The following ASAP1 variants were observed in gnomAD, a reference collection of about 807,000 sequenced individuals.
ASAP1 encodes arf-GAP with SH3 domain, ANK repeat and PH domain-containing protein 1.
In ASAP1, 43 loss-of-function variants were observed where a neutral mutation model predicts 145.2. The ratio of observed to expected loss-of-function variants is 0.30; its 90% CI spans 0.23 to 0.38. The LOEUF is 0.38. ASAP1 is among the 10% of genes least tolerant of loss of function. The pLI is 1.00. For missense variants in ASAP1, 1,018 were observed against 1,355.3 expected (o/e 0.75, Z 3.91); for synonymous variants, 546 against 515.5 (o/e 1.06, Z -0.80).
chr8:130,379,356 G>T (rs891100287), intron 2 of ASAP1, among the ~76,000 whole-genome samples: 1 of 152,282 alleles, frequency 6.6e-6, no homozygotes, highest in East Asian at 1.9e-4. Flanking sequence ...GATCAAGCGT[G>T]TTCAGGGTGG....
At chr8:130,165,264 T>C (rs1175592580) in intron 11 of ASAP1, among the ~76,000 whole-genome samples, 1 of 152,126 alleles carries the variant, frequency 6.6e-6, no homozygotes, top group Non-Finnish European at 1.5e-5. Flanking sequence ...AAAGCTTCCA[T>C]ATGTAGGAAA....
intron 2 of ASAP1, among the ~76,000 whole-genome samples, chr8:130,373,837 A>T (rs1586929792): frequency 1.5e-5 from 2 of 131,340 alleles, no homozygotes; most frequent in Middle Eastern, 3.8e-3. Context: ...ACAGAGTGAG[A>T]TGGAGTCTCC....
intron 3 of ASAP1, chr8:130,340,728 C>G (rs1825322382): frequency 2.9e-6 from 1 of 349,644 alleles, no homozygotes; most frequent in East Asian, 7.4e-5. Flanking sequence ...TTGATCTTCT[C>G]TAAGCATTCA....
chr8:130,377,633 G>A (rs527917687), intron 2 of ASAP1, among the ~76,000 whole-genome samples: 1 of 152,316 alleles, frequency 6.6e-6, no homozygotes, highest in African/African-American at 2.4e-5. Context: ...TTCTCCTGCT[G>A]ACCTGCTCCA....
rs1565151907 is a variant in ASAP1, at chr8:130,265,572, T to TAA, written c.187-28579_187-28578insTT. 7.5e-3 allele frequency among the ~76,000 whole-genome samples: 1,070 copies of TAA among 142,582 alleles called. 15 individuals carry two copies. Among genetic ancestry groups the TAA allele is most frequent in the African/African-American group, 0.027 (1,030 of 38,340 alleles). The allele number at this position is 142,582 out of a possible 152,430, so 93.5% of individuals were successfully genotyped here. On this transcript the variant is annotated intron_variant, in intron 3 of 29. Coordinates refer to ENST00000518721, the MANE Select transcript of ASAP1 (RefSeq NM_018482.4). ...TGGGTAACAGAGTGAAACCCTGTCT[T>TAA]TAAAAAAAAAAAAAAAAAAAGGTCA...
intron 1 of ASAP1, among the ~76,000 whole-genome samples, chr8:130,414,390 G>T (rs913101914): frequency 6.6e-6 from 1 of 152,192 alleles, no homozygotes; most frequent in Non-Finnish European, 1.5e-5. Flanking sequence ...GACCTGAAAG[G>T]TGCAGAGAAG....
chr8:130,263,242 T>C (rs539326423), intron 3 of ASAP1, among the ~76,000 whole-genome samples: 2 of 152,106 alleles, frequency 1.3e-5, no homozygotes, highest in African/African-American at 4.8e-5. Flanking sequence ...CCAGGGAAGG[T>C]AGCATGACCC....
intron 3 of ASAP1, among the ~76,000 whole-genome samples, chr8:130,272,680 A>G (rs906918770): frequency 1.3e-5 from 2 of 152,238 alleles, no homozygotes; most frequent in African/African-American, 4.8e-5. Flanking sequence ...AACAAACAAT[A>G]AAATCAAGTC....
intron 22 of ASAP1, 128 bp downstream of exon 22, chr8:130,116,550 T>C (rs2097556338): frequency 2.5e-6 from 2 of 786,354 alleles, no homozygotes; most frequent in African/African-American, 1.7e-5. Context: ...ACATTGCTCA[T>C]CTGATTTTCT....
intron 1 of ASAP1, among the ~76,000 whole-genome samples, chr8:130,411,595 G>A (rs904820395): frequency 4.6e-5 from 7 of 152,134 alleles, no homozygotes; most frequent in African/African-American, 1.4e-4. Flanking sequence ...GGCTTCTTGG[G>A]GAAACCACCC....
intron 3 of ASAP1, among the ~76,000 whole-genome samples, chr8:130,321,442 A>T (rs1823997470): frequency 6.6e-6 from 1 of 152,120 alleles, no homozygotes; most frequent in African/African-American, 2.4e-5. Context: ...ATCCCTCCTC[A>T]GTCAATAGGA....
intron 3 of ASAP1, among the ~76,000 whole-genome samples, chr8:130,237,809 G>A (rs528058327): frequency 6.6e-6 from 1 of 151,962 alleles, no homozygotes; most frequent in African/African-American, 2.4e-5. Context: ...TTAAAATGGG[G>A]CATAGTCAAT....
chr8:130,299,858 C>A (rs1276839653), intron 3 of ASAP1, among the ~76,000 whole-genome samples: 1 of 151,666 alleles, frequency 6.6e-6, no homozygotes, highest in East Asian at 1.9e-4. Context: ...TTCAGAGAAA[C>A]AATGAAAAAC....
intron 3 of ASAP1, among the ~76,000 whole-genome samples, chr8:130,327,471 A>G (rs1441631348): frequency 1.3e-5 from 2 of 152,236 alleles, no homozygotes; most frequent in Non-Finnish European, 2.9e-5. Context: ...ACAGGCATGT[A>G]AGACCACAGG....
intron 7 of ASAP1, 130 bp from the exon 8 acceptor site, chr8:130,181,010 A>C: frequency 9.0e-6 from 5 of 557,748 alleles, no homozygotes; most frequent in Non-Finnish European, 8.0e-6. Context: ...AGTTGTATCA[A>C]TTGTACCACT....
intron 3 of ASAP1, among the ~76,000 whole-genome samples, chr8:130,261,514 G>C (rs1010969304): frequency 2.0e-5 from 3 of 152,162 alleles, no homozygotes; most frequent in Non-Finnish European, 4.4e-5. Flanking sequence ...GGTGATGAGT[G>C]AGCAAGTGGC....
Position 130,074,440 on chromosome 8 carries a change from A to AACACAC in ASAP1, c.2701+1902_2701+1907dup, listed in dbSNP as rs57005471. 4.7e-3 allele frequency among the ~76,000 whole-genome samples: 556 copies of AACACAC among 119,310 alleles called. 3 individuals are homozygous for AACACAC. Among genetic ancestry groups the AACACAC allele is most frequent in the East Asian group, 0.011 (36 of 3,362 alleles). 78.3% of individuals were successfully genotyped at this position (119,310 alleles called of 152,430 possible). ...TTATTACGGAAAATTCCAAATAGTA[A>AACACAC]ACACACACACACACACACACACACA... On this transcript the variant is annotated intron_variant, in intron 27 of 29. Transcript: ENST00000518721.
chr8:130,098,367 A>T (rs111275430), intron 24 of ASAP1, among the ~76,000 whole-genome samples: 2,916 of 152,158 alleles, frequency 0.019, 94 homozygotes, highest in African/African-American at 0.065. Context: ...TTTGAGATGA[A>T]GTTTTGCTCT....
intron 3 of ASAP1, among the ~76,000 whole-genome samples, chr8:130,285,927 T>TATC (rs56038473): frequency 6.6e-6 from 1 of 152,224 alleles, no homozygotes. Flanking sequence ...CTGGAACAGA[T>TATC]ATCATAAATA....
Sources: gnomAD v4.1 joint callset for allele counts (sites outside exome capture counted in the v4.1 genomes callset) on GRCh38, gnomAD v4.1.1 for gene constraint, MANE v1.5 for transcripts, NCBI Gene and HGNC (gene_info 2026-07-23, HGNC 2026-07-21) for gene names.